The following NPAS3 variants were observed in gnomAD, a reference collection of about 807,000 sequenced individuals.
The protein encoded by NPAS3 is neuronal PAS domain protein 3.
Under a neutral mutation model 73.1 loss-of-function variants are expected in NPAS3, and 14 were observed. That is an observed-to-expected ratio of 0.19 (90% CI 0.13 to 0.30). NPAS3 has a LOEUF of 0.30. Among genes scored for constraint, NPAS3 ranks in the 10% least tolerant of loss-of-function variants. NPAS3 has a pLI of 1.00. For synonymous variants in NPAS3, 620 were observed against 541.5 expected (o/e 1.14, Z -2.01); for missense variants, 1,096 against 1,250.0 (o/e 0.88, Z 1.86).
intron 5 of NPAS3, among the ~76,000 whole-genome samples, chr14:33,591,974 T>C (rs2139947942): frequency 6.6e-6 from 1 of 152,376 alleles, no homozygotes; most frequent in African/African-American, 2.4e-5. Context: ...TCGCTTGTTT[T>C]ATCTTCACAA....
rs573283526 is a variant in NPAS3 at position 33,341,253 on chromosome 14, A to G, written c.386-25933A>G. On this transcript the variant is annotated intron_variant, in intron 3 of 11. Coordinates refer to ENST00000356141, the Ensembl canonical transcript of NPAS3. Reference sequence around the variant, plus strand: ...ACGCCATCTCAAAACTATACATTTTAGTGGTACCTGCTGAGTTTTGGGTGT... The same window carrying G: ...ACGCCATCTCAAAACTATACATTTTGGTGGTACCTGCTGAGTTTTGGGTGT... 3.3e-5 allele frequency among the ~76,000 whole-genome samples: 5 copies of G among 152,340 alleles called. No individual in the cohort carries two copies. In the South Asian group the frequency reaches 1.0e-3, roughly 32 times the overall value.
chr14:33,030,235 C>T (rs1056491127), intron 1 of NPAS3, among the ~76,000 whole-genome samples: 2 of 152,078 alleles, frequency 1.3e-5, no homozygotes, highest in Non-Finnish European at 2.9e-5. Flanking sequence ...TGTTTTCAGT[C>T]CTGCTTTATT....
chr14:33,203,048 A>G (rs1246425393), intron 2 of NPAS3, among the ~76,000 whole-genome samples: 1 of 152,248 alleles, frequency 6.6e-6, no homozygotes, highest in Admixed American at 6.5e-5. Flanking sequence ...TAGACATTAC[A>G]TTACACATTA....
At chr14:33,772,180 A>G (rs2062675650) in intron 7 of NPAS3, among the ~76,000 whole-genome samples, 1 of 152,362 alleles carries the variant, frequency 6.6e-6, no homozygotes, top group Non-Finnish European at 1.5e-5. Context: ...TAATAATAAA[A>G]TGTGTAGAAT....
At chr14:33,439,523 C>T (rs151107785) in intron 4 of NPAS3, among the ~76,000 whole-genome samples, 7 of 152,248 alleles carry the variant, frequency 4.6e-5, no homozygotes, top group African/African-American at 1.7e-4. Flanking sequence ...TGTGGCCATA[C>T]CCATGCCTAA....
chr14:33,493,493 C>T lies in NPAS3; in HGVS notation c.469-66628C>T, dbSNP rs530153240. On this transcript the variant is annotated intron_variant, in intron 4 of 11. Transcript: ENST00000356141. ...GGCAGAATGAAAGGAACTTTCTCAC[C>T]GATCTTCCTGTGTGTGTTTGTGTAC... Among the ~76,000 whole-genome samples the T allele has an allele frequency of 8.0e-4, 121 of 152,160 alleles. 1 individual carries two copies. In the Middle Eastern group the frequency reaches 0.014, roughly 17 times the overall value.
At chr14:33,219,403 A>G (rs1002257419) in intron 3 of NPAS3, among the ~76,000 whole-genome samples, 3 of 152,200 alleles carry the variant, frequency 2.0e-5, no homozygotes, top group African/African-American at 7.2e-5. Context: ...TTTTATTTCA[A>G]TTTAAACATT....
chr14:33,778,798 C>T (rs574029099), intron 9 of NPAS3, among the ~76,000 whole-genome samples: 2 of 152,322 alleles, frequency 1.3e-5, no homozygotes, highest in African/African-American at 4.8e-5. Flanking sequence ...TAGGCACTCA[C>T]CCAGAATTCT....
intron 4 of NPAS3, among the ~76,000 whole-genome samples, chr14:33,473,333 C>G (rs1442416979): frequency 6.6e-6 from 1 of 152,122 alleles, no homozygotes. Flanking sequence ...GTGTTTTAAG[C>G]CCTCCACATG....
At chr14:32,988,076 A>T (rs2038168001) in intron 1 of NPAS3, among the ~76,000 whole-genome samples, 1 of 152,200 alleles carries the variant, frequency 6.6e-6, no homozygotes, top group Admixed American at 6.5e-5. Flanking sequence ...AATTTCAATA[A>T]AATATATCAA....
chr14:33,448,161 A>C (rs1416844693), intron 4 of NPAS3, among the ~76,000 whole-genome samples: 1 of 152,216 alleles, frequency 6.6e-6, no homozygotes, highest in African/African-American at 2.4e-5. Flanking sequence ...TAAAGATGGG[A>C]CTGATTAGGG....
chr14:33,240,770 C>T (rs917635546), intron 3 of NPAS3, among the ~76,000 whole-genome samples: 4 of 151,858 alleles, frequency 2.6e-5, no homozygotes, highest in African/African-American at 9.7e-5. Flanking sequence ...TTTTTAAGCA[C>T]CTCTTAGGGA....
At chr14:33,147,293 A>C (rs1310521688) in intron 2 of NPAS3, among the ~76,000 whole-genome samples, 1 of 152,186 alleles carries the variant, frequency 6.6e-6, no homozygotes, top group Non-Finnish European at 1.5e-5. Flanking sequence ...TTCTCATTAG[A>C]TAATCAACTG....
At chr14:33,320,936 C>G (rs1434297123) in intron 3 of NPAS3, among the ~76,000 whole-genome samples, 1 of 152,118 alleles carries the variant, frequency 6.6e-6, no homozygotes. Flanking sequence ...GCTAGAACAT[C>G]CTCCAGCCTC....
chr14:33,777,583 G>C (rs1490699826), intron 8 of NPAS3, among the ~76,000 whole-genome samples: 1 of 151,384 alleles, frequency 6.6e-6, no homozygotes, highest in Non-Finnish European at 1.5e-5. Flanking sequence ...CACATGAAGA[G>C]TAAAGAGAAT....
At chr14:33,748,525 G>A (rs2061870009) in intron 7 of NPAS3, among the ~76,000 whole-genome samples, 1 of 152,156 alleles carries the variant, frequency 6.6e-6, no homozygotes, top group Non-Finnish European at 1.5e-5. Context: ...ACAGCCCCTT[G>A]TCAAATGTCC....
chr14:33,208,984 T>C lies in NPAS3; in HGVS notation c.141-6198T>C, dbSNP rs138593529. Among the ~76,000 whole-genome samples the C allele has an allele frequency of 2.3e-3, 345 of 152,288 alleles. 2 individuals carry two copies. Among genetic ancestry groups the C allele is most frequent in the Non-Finnish European group, 3.9e-3 (265 of 68,014 alleles). ...AAATTGGCCTATTATACTCTTGATG[T>C]TTACAGAGGCTAACATAAATTAATG... On this transcript the variant is annotated intron_variant, in intron 2 of 11. Coordinates refer to ENST00000356141, the Ensembl canonical transcript of NPAS3.
intron 7 of NPAS3, among the ~76,000 whole-genome samples, chr14:33,762,391 A>G (rs867444533): frequency 6.6e-6 from 1 of 152,214 alleles, no homozygotes; most frequent in African/African-American, 2.4e-5. Context: ...CTGCACTAGA[A>G]CAGTCTTTGT....
Position 33,774,824 on chromosome 14 carries a change from T to C in NPAS3, c.1046+294T>C, listed in dbSNP as rs111391891. Among the ~76,000 whole-genome samples, 783 of 152,306 alleles carry C rather than the reference T, an allele frequency of 5.1e-3. 6 individuals are homozygous for C. Among genetic ancestry groups the C allele is most frequent in the African/African-American group, 0.018 (746 of 41,580 alleles). On this transcript the variant is annotated intron_variant, in intron 8 of 11. Coordinates refer to ENST00000356141, the Ensembl canonical transcript of NPAS3. The stretch of plus-strand genomic sequence containing the variant: ...AGGAGAGAGCAGGGCTTAGATGCCA[T>C]TGGCAAAATGATGCAGTAAAATGTA...
Sources: allele counts gnomAD v4.1 joint callset (sites outside exome capture counted in the v4.1 genomes callset), GRCh38; gene constraint gnomAD v4.1.1; transcripts MANE v1.5; gene names NCBI Gene and HGNC (gene_info 2026-07-23, HGNC 2026-07-21).